CHAT: variants seen among roughly 807,000 people sequenced by gnomAD.
CHAT encodes choline O-acetyltransferase.
CHAT carries 61 observed loss-of-function variants against 76.9 expected under a neutral mutation model. That is an observed-to-expected ratio of 0.79 (90% CI 0.65 to 0.98). The LOEUF (loss-of-function observed/expected upper bound fraction) is 0.98, where lower values mean the gene tolerates loss of function less well. Among genes scored for constraint, CHAT ranks in the 50% least tolerant of loss-of-function variants. CHAT has a pLI of 0.00. For synonymous variants in CHAT, 407 were observed against 397.4 expected (o/e 1.02, Z -0.29); for missense variants, 946 against 986.9 (o/e 0.96, Z 0.56).
chr10:49,658,869 TG>T (rs1016510475), intron 13 of CHAT, among the ~76,000 whole-genome samples: 3 of 152,168 alleles, frequency 2.0e-5, no homozygotes, highest in Admixed American at 6.5e-5. Context: ...AAAATAACTC[TG>T]GGGGAAAATA....
rs182354112 is a variant in CHAT, at chr10:49,644,082, A to T, written c.1112-2423A>T. On this transcript the variant is annotated intron_variant, in intron 7 of 14. Transcript: ENST00000337653. ...TGCAATTCCACATCTGCACTGAGCA[A>T]GCTGTGGAGGCCACGTGCTCAGGGT... 6.6e-3 allele frequency among the ~76,000 whole-genome samples: 1,007 copies of T among 152,340 alleles called. 11 individuals are homozygous for T. Among genetic ancestry groups the T allele is most frequent in the African/African-American group, 0.023 (961 of 41,570 alleles).
chr10:49,654,296 G>C (rs912118995), intron 11 of CHAT, among the ~76,000 whole-genome samples: 1 of 152,262 alleles, frequency 6.6e-6, no homozygotes, highest in Non-Finnish European at 1.5e-5. Context: ...CAGGAGCCCA[G>C]CCAGTGAGGG....
intron 13 of CHAT, among the ~76,000 whole-genome samples, chr10:49,656,956 AC>A (rs1840054295): frequency 6.6e-6 from 1 of 151,840 alleles, no homozygotes; most frequent in Non-Finnish European, 1.5e-5. Flanking sequence ...TCTCTCTGAA[AC>A]CCTCCAAAAA....
At chr10:49,631,297 T>C (rs1312205480) in intron 7 of CHAT, among the ~76,000 whole-genome samples, 2 of 152,192 alleles carry the variant, frequency 1.3e-5, no homozygotes, top group African/African-American at 4.8e-5. Context: ...CTGACACCTC[T>C]CTCCTTGGCT....
intron 7 of CHAT, among the ~76,000 whole-genome samples, chr10:49,644,274 G>T (rs1436065695): frequency 6.6e-6 from 1 of 152,208 alleles, no homozygotes; most frequent in Non-Finnish European, 1.5e-5. Flanking sequence ...TTGTCTGTGA[G>T]GTCCACGCAG....
At chr10:49,619,677 T>C (rs770033487) in intron 2 of CHAT, 48 bp from the exon 3 acceptor site, 19 of 1,579,184 alleles carry the variant, frequency 1.2e-5, no homozygotes, top group Middle Eastern at 2.3e-4. Context: ...GGGACAGGCA[T>C]GGGGCGCACA....
intron 9 of CHAT, 49 bp from the exon 10 acceptor site, chr10:49,649,459 C>T: frequency 4.3e-6 from 7 of 1,613,064 alleles, no homozygotes; most frequent in Non-Finnish European, 5.9e-6. Flanking sequence ...AGATGCCTCC[C>T]ACAGCTGTCT....
At chr10:49,626,203 T>C (rs1444887075) in intron 6 of CHAT, among the ~76,000 whole-genome samples, 2 of 152,010 alleles carry the variant, frequency 1.3e-5, no homozygotes, top group Non-Finnish European at 2.9e-5. Flanking sequence ...TGCCCTAAGG[T>C]CATGCTCTAC....
intron 7 of CHAT, among the ~76,000 whole-genome samples, chr10:49,634,286 G>A (rs1273197565): frequency 1.3e-5 from 2 of 152,216 alleles, no homozygotes; most frequent in African/African-American, 2.4e-5. Flanking sequence ...AGTCTGCCCT[G>A]TGGGCAGGAC....
At position 49,651,422 on chromosome 10, in the gene CHAT, C is replaced by G. The variant is rs1318693925; in HGVS notation, c.1512-462C>G. On this transcript the variant is annotated intron_variant, in intron 10 of 14. Transcript: ENST00000337653. ...CACATAGACCTTGCCAGACACTGCT[C>G]CAGTGGGCAGTCAGCTCAGACCCCA... Among the ~76,000 whole-genome samples, 10 of 152,316 alleles carry G rather than the reference C, an allele frequency of 6.6e-5. No individual in the cohort carries two copies. The East Asian group carries it at 1.9e-3, about 29-fold the overall frequency.
At chr10:49,657,181 G>C (rs7081647) in intron 13 of CHAT, among the ~76,000 whole-genome samples, 29 of 151,960 alleles carry the variant, frequency 1.9e-4, no homozygotes, top group Non-Finnish European at 4.0e-4. Context: ...GTGCCAGAAG[G>C]TTCAGTGTCT....
chr10:49,619,650 T>C lies in CHAT; in HGVS notation c.388-75T>C, dbSNP rs1212250813. ...CAACACAGGGGCAGAACAATACAGA[T>C]ACTAGGGACCAACTTGGGGACAGGC... On this transcript the variant is annotated intron_variant, in intron 2 of 14. Coordinates refer to ENST00000337653, the MANE Select transcript of CHAT (RefSeq NM_020549.5). 3.5e-6 allele frequency: 5 copies of C among 1,426,652 alleles called. No homozygotes were observed. The Admixed American group carries it at 7.1e-5, about 20-fold the overall frequency. The allele number at this position is 1,426,652 out of a possible 1,614,324, so 88.4% of individuals were successfully genotyped here.
At chr10:49,646,962 C>A (rs747969391) in intron 8 of CHAT, 11 of 494,750 alleles carry the variant, frequency 2.2e-5, no homozygotes, top group African/African-American at 3.9e-5. Context: ...CCAGGAAGGT[C>A]TGGGCCAGAC....
rs187360513 is a variant in CHAT at position 49,632,641 on chromosome 10, G to A, written c.1111+4856G>A. Among the ~76,000 whole-genome samples, 217 of 152,220 alleles carry A rather than the reference G, an allele frequency of 1.4e-3. 3 individuals carry two copies. The East Asian group carries it at 0.019, about 13-fold the overall frequency. On this transcript the variant is annotated intron_variant, in intron 7 of 14. Coordinates refer to ENST00000337653, the MANE Select transcript of CHAT (RefSeq NM_020549.5). ...CTGCGCTCAGATGAAACACTTCCCC[G>A]GATTCTCATGTGGTCAACTAAGGCC...
chr10:49,664,393 C>T (rs1445005563), intron 14 of CHAT, among the ~76,000 whole-genome samples: 1 of 152,148 alleles, frequency 6.6e-6, no homozygotes, highest in Non-Finnish European at 1.5e-5. Flanking sequence ...TCATAAATTC[C>T]TCCCTCCGGA....
intron 13 of CHAT, among the ~76,000 whole-genome samples, chr10:49,660,514 T>C (rs1277429601): frequency 1.3e-5 from 2 of 151,032 alleles, no homozygotes; most frequent in Admixed American, 1.3e-4. Context: ...AGAAATTCAG[T>C]AGTGGTAACC....
At chr10:49,634,105 C>T (rs906868761) in intron 7 of CHAT, among the ~76,000 whole-genome samples, 3 of 152,218 alleles carry the variant, frequency 2.0e-5, no homozygotes, top group Admixed American at 6.5e-5. Flanking sequence ...TTTTCTTGCT[C>T]TGGAAAGGGG....
At chr10:49,621,034 A>G (rs998540541) in intron 4 of CHAT, among the ~76,000 whole-genome samples, 45 of 152,332 alleles carry the variant, frequency 3.0e-4, no homozygotes, top group African/African-American at 1.1e-3. Flanking sequence ...AGAAGGCTGG[A>G]AACAATTCCT....
intron 13 of CHAT, chr10:49,661,449 T>C (rs1434438589): frequency 1.3e-5 from 2 of 152,250 alleles, no homozygotes; most frequent in East Asian, 3.8e-4. Flanking sequence ...GGTTGTGTAA[T>C]GTTTGTCTTT....
Sources: allele counts gnomAD v4.1 joint callset (sites outside exome capture counted in the v4.1 genomes callset), GRCh38; gene constraint gnomAD v4.1.1; transcripts MANE v1.5; gene names NCBI Gene and HGNC (gene_info 2026-07-23, HGNC 2026-07-21).